The following ARID1B variants were observed in gnomAD, a reference collection of about 807,000 sequenced individuals.
The protein encoded by ARID1B is AT-rich interactive domain-containing protein 1B.
A neutral mutation model predicts 212.3 loss-of-function variants in ARID1B; 30 were observed. That is an observed-to-expected ratio of 0.14 (90% confidence interval 0.11 to 0.19). ARID1B has a LOEUF of 0.19. Among genes scored for constraint, ARID1B ranks in the 10% least tolerant of loss-of-function variants. The pLI is 1.00. For missense variants in ARID1B, 2,891 were observed against 3,204.0 expected (o/e 0.90, Z 2.36); for synonymous variants, 1,402 against 1,301.7 (o/e 1.08, Z -1.66).
chr6:157,007,448 T>A (rs1400244028), intron 4 of ARID1B, among the ~76,000 whole-genome samples: 1 of 152,226 alleles, frequency 6.6e-6, no homozygotes, highest in African/African-American at 2.4e-5. Context: ...CTAAAGCTCT[T>A]CTTTAAATAC....
At chr6:157,197,089 G>T (rs1793780706) in intron 16 of ARID1B, among the ~76,000 whole-genome samples, 1 of 152,166 alleles carries the variant, frequency 6.6e-6, no homozygotes, top group African/African-American at 2.4e-5. Flanking sequence ...AAAGTCCCTT[G>T]CCTGGGCCCT....
chr6:157,034,756 A>G (rs1781218525), intron 4 of ARID1B, among the ~76,000 whole-genome samples: 1 of 152,224 alleles, frequency 6.6e-6, no homozygotes, highest in Non-Finnish European at 1.5e-5. Flanking sequence ...GGATAACCTC[A>G]TGTTTTTAAA....
intron 2 of ARID1B, among the ~76,000 whole-genome samples, chr6:156,886,545 C>T (rs1371189208): frequency 6.6e-6 from 1 of 152,132 alleles, no homozygotes; most frequent in Non-Finnish European, 1.5e-5. Context: ...CTCTCTTGTC[C>T]CAGTCTGAGT....
intron 3 of ARID1B, among the ~76,000 whole-genome samples, chr6:156,910,817 A>T (rs963410039): frequency 6.6e-6 from 1 of 152,254 alleles, no homozygotes; most frequent in East Asian, 1.9e-4. Context: ...TAGAACATAC[A>T]GATAATACCT....
At chr6:157,062,569 G>A (rs1003273959) in intron 4 of ARID1B, among the ~76,000 whole-genome samples, 4 of 151,870 alleles carry the variant, frequency 2.6e-5, no homozygotes, top group African/African-American at 9.7e-5. Context: ...ATTCATAGAA[G>A]GTATGAGGAC....
intron 4 of ARID1B, among the ~76,000 whole-genome samples, chr6:157,001,005 T>C (rs979782836): frequency 1.3e-5 from 2 of 152,152 alleles, no homozygotes; most frequent in African/African-American, 4.8e-5. Flanking sequence ...TAAACACTCA[T>C]TTCTAATAAA....
At chr6:157,027,113 G>A (rs1034209845) in intron 4 of ARID1B, among the ~76,000 whole-genome samples, 4 of 152,120 alleles carry the variant, frequency 2.6e-5, no homozygotes, top group African/African-American at 7.2e-5. Flanking sequence ...TGAGAAATCT[G>A]AAAAGAATAA....
At chr6:157,115,549 C>G (rs955743018) in intron 6 of ARID1B, among the ~76,000 whole-genome samples, 2 of 152,150 alleles carry the variant, frequency 1.3e-5, no homozygotes, top group African/African-American at 2.4e-5. Context: ...GCCTCAGCCT[C>G]CCGAGTAGCT....
chr6:156,858,844 T>TA (rs1205036678), intron 2 of ARID1B, among the ~76,000 whole-genome samples: 1 of 152,028 alleles, frequency 6.6e-6, no homozygotes, highest in Non-Finnish European at 1.5e-5. Context: ...TCATAATAAT[T>TA]AAAAGTTAAA....
chr6:157,179,915 TAAAG>T (rs997192526), intron 11 of ARID1B, among the ~76,000 whole-genome samples: 1 of 144,660 alleles, frequency 6.9e-6, no homozygotes, highest in Non-Finnish European at 1.5e-5. Flanking sequence ...TTAAGCTAAA[TAAAG>T]AAAAAAGGAA....
intron 4 of ARID1B, among the ~76,000 whole-genome samples, chr6:156,981,892 C>T (rs1777630271): frequency 6.6e-6 from 1 of 152,118 alleles, no homozygotes; most frequent in African/African-American, 2.4e-5. Flanking sequence ...GCGGTCATAC[C>T]TGCCAGAGAA....
chr6:157,170,242 G>T (rs1168282746), intron 9 of ARID1B: 1 of 152,058 alleles, frequency 6.6e-6, no homozygotes, highest in Non-Finnish European at 1.5e-5. Context: ...CAGCTTTGTG[G>T]GGCATTAGCT....
chr6:156,823,519 T>C (rs533470355), intron 1 of ARID1B, among the ~76,000 whole-genome samples: 1 of 152,196 alleles, frequency 6.6e-6, no homozygotes, highest in Admixed American at 6.5e-5. Context: ...GCGAGAGAAA[T>C]AGAACAGATT....
intron 2 of ARID1B, among the ~76,000 whole-genome samples, chr6:156,837,759 T>C (rs962692072): frequency 2.6e-5 from 4 of 152,160 alleles, no homozygotes; most frequent in Non-Finnish European, 5.9e-5. Context: ...GTGAGGCAAG[T>C]AGGGGATTAT....
At chr6:156,829,919 A>G (rs1783026739) in intron 2 of ARID1B, among the ~76,000 whole-genome samples, 1 of 151,740 alleles carries the variant, frequency 6.6e-6, no homozygotes, top group Non-Finnish European at 1.5e-5. Context: ...GTACCTTTTG[A>G]AAAAGGTTTC....
chr6:157,193,756 T>G (rs747053641), intron 15 of ARID1B: 7 of 152,202 alleles, frequency 4.6e-5, no homozygotes, highest in African/African-American at 1.7e-4. Context: ...TTAAAAACTT[T>G]TGCTTGCATC....
intron 5 of ARID1B, among the ~76,000 whole-genome samples, chr6:157,091,452 C>T (rs540945341): frequency 1.3e-5 from 2 of 152,188 alleles, no homozygotes; most frequent in African/African-American, 4.8e-5. Context: ...AGAAGATATT[C>T]TGGTCAAAAA....
At chr6:157,074,280 A>AGTG (rs1784174707) in intron 4 of ARID1B, among the ~76,000 whole-genome samples, 1 of 152,110 alleles carries the variant, frequency 6.6e-6, no homozygotes, top group South Asian at 2.1e-4. Flanking sequence ...GCTGGAACTA[A>AGTG]GTGGTGCACA....
chr6:156,908,686 T>G (rs894536457), intron 3 of ARID1B, among the ~76,000 whole-genome samples: 6 of 152,238 alleles, frequency 3.9e-5, no homozygotes, highest in African/African-American at 1.2e-4. Flanking sequence ...TCTTTCAACT[T>G]TTGATATGTA....
Sources: allele counts gnomAD v4.1 joint callset (sites outside exome capture counted in the v4.1 genomes callset), GRCh38; gene constraint gnomAD v4.1.1; transcripts MANE v1.5; gene names NCBI Gene and HGNC (gene_info 2026-07-23, HGNC 2026-07-21).